Variants in LHX4 observed in about 807,000 individuals in gnomAD.
LHX4 encodes the protein LIM homeobox 4.
In LHX4, 16 loss-of-function variants were observed where a neutral mutation model predicts 39.2. The ratio of observed to expected loss-of-function variants is 0.41; its 90% CI spans 0.28 to 0.62. The LOEUF (loss-of-function observed/expected upper bound fraction) is 0.62. Ranked by LOEUF, LHX4 falls within the 20% of genes least tolerant of loss-of-function variation. LHX4 has a pLI of 0.33. For missense variants in LHX4, 439 were observed against 511.9 expected (o/e 0.86, Z 1.37); for synonymous variants, 206 against 198.1 (o/e 1.04, Z -0.33).
intron 2 of LHX4, among the ~76,000 whole-genome samples, chr1:180,264,778 T>C (rs1453123853): frequency 6.6e-6 from 1 of 152,150 alleles, no homozygotes; most frequent in Non-Finnish European, 1.5e-5. Context: ...ATGGGCCCCA[T>C]CTCTCTGAAA....
At chr1:180,260,723 G>A (rs1466661984) in intron 2 of LHX4, among the ~76,000 whole-genome samples, 1 of 151,822 alleles carries the variant, frequency 6.6e-6, no homozygotes, top group African/African-American at 2.4e-5. Flanking sequence ...GCACTGCAGG[G>A]CTGGGAGCCT....
At chr1:180,260,943 T>A (rs191226037) in intron 2 of LHX4, among the ~76,000 whole-genome samples, 8 of 152,000 alleles carry the variant, frequency 5.3e-5, no homozygotes. Flanking sequence ...GCCCCAGTTC[T>A]TATCTGTTAA....
At chr1:180,241,300 G>A (rs957585520) in intron 1 of LHX4, among the ~76,000 whole-genome samples, 2 of 152,238 alleles carry the variant, frequency 1.3e-5, no homozygotes, top group African/African-American at 4.8e-5. Flanking sequence ...TTAAAAAAGA[G>A]TGTGTGTCTT....
chr1:180,245,972 C>T (rs1442232831), intron 1 of LHX4, among the ~76,000 whole-genome samples: 1 of 151,434 alleles, frequency 6.6e-6, no homozygotes, highest in African/African-American at 2.4e-5. Context: ...ATTGACTGGA[C>T]TGCGTATTCC....
At chr1:180,264,484 C>T (rs367984301) in intron 2 of LHX4, among the ~76,000 whole-genome samples, 57 of 152,112 alleles carry the variant, frequency 3.7e-4, no homozygotes, top group African/African-American at 1.4e-3. Context: ...TGTGGAGGAC[C>T]TGGTTCTCAC....
At position 180,278,808 on chromosome 1, in the gene LHX4, CT is replaced by C. The variant is rs1649199283; in HGVS notation, c.*4230del. 1 of 151,042 alleles carries C rather than the reference CT, an allele frequency of 6.6e-6. No individual in the cohort carries two copies. Among genetic ancestry groups the C allele is most frequent in the Non-Finnish European group, 1.5e-5 (1 of 67,914 alleles). The allele number at this position is 151,042 out of a possible 1,614,324, so 9.4% of individuals were successfully genotyped here. A position where few individuals can be genotyped will look rare whatever the true frequency, so the allele number is the denominator to read the frequency against. ...TTGTACAGTTAAAGAGAAATGAAGTCTCGTTTCCTGGGGAAAAAAAAGAAAA... is the reference window on the plus strand; with the variant it reads ...TTGTACAGTTAAAGAGAAATGAAGTCCGTTTCCTGGGGAAAAAAAAGAAAA... On this transcript the variant is annotated 3_prime_UTR_variant, in exon 6 of 6. Coordinates refer to ENST00000263726, the MANE Select transcript of LHX4 (RefSeq NM_033343.4).
At chr1:180,249,898 AGT>A (rs936965746) in intron 2 of LHX4, among the ~76,000 whole-genome samples, 19 of 146,674 alleles carry the variant, frequency 1.3e-4, no homozygotes, top group Middle Eastern at 3.4e-3. Context: ...TGTGTGTATG[AGT>A]GTGTGTGTGA....
rs774156277 is a variant in LHX4, at chr1:180,274,431, C to T, written c.1025C>T (p.Ala342Val). The T allele has an allele frequency of 3.5e-5, 57 of 1,614,062 alleles. No homozygotes were observed. In the Admixed American group the frequency reaches 4.2e-4, roughly 12 times the overall value. The part of the protein sequence containing the change: ...YTVDSNLGII[A>V]HAGQGVSQTL... ...GTGGACAGTAATTTGGGCATCATTG[C>T]GCATGCAGGGCAGGGAGTAAGCCAG... The change falls in exon 6 of 6, where the codon GCG becomes GTG. Residue 342 changes from alanine to valine, a missense_variant. Coordinates refer to ENST00000263726, the MANE Select transcript of LHX4 (RefSeq NM_033343.4).
chr1:180,233,750 G>A (rs1056086498), intron 1 of LHX4, among the ~76,000 whole-genome samples: 16 of 152,174 alleles, frequency 1.1e-4, no homozygotes, highest in African/African-American at 3.9e-4. Context: ...CAGCCCGCAC[G>A]GGAGAAGGAG....
chr1:180,268,443 G>C lies in LHX4; in HGVS notation c.451+1849G>C, dbSNP rs982823367. ...CTCACAGTTTTATCGAGGAATATTT[G>C]CACCACAGCAGACCTCTGCAGGATG... On this transcript the variant is annotated intron_variant, in intron 3 of 5. Coordinates refer to ENST00000263726, the MANE Select transcript of LHX4 (RefSeq NM_033343.4). Among the ~76,000 whole-genome samples, 3 of 152,182 alleles carry C rather than the reference G, an allele frequency of 2.0e-5. No individual in the cohort carries two copies. In the South Asian group the frequency reaches 6.2e-4, roughly 31 times the overall value.
intron 3 of LHX4, chr1:180,269,995 T>C (rs1648542739): frequency 1.3e-5 from 2 of 152,256 alleles, no homozygotes; most frequent in Non-Finnish European, 2.9e-5. Flanking sequence ...GGCACGGGTG[T>C]GTCCCCCCTC....
intron 2 of LHX4, among the ~76,000 whole-genome samples, chr1:180,254,958 TG>T (rs776108601): frequency 6.6e-6 from 1 of 152,162 alleles, no homozygotes; most frequent in African/African-American, 2.4e-5. Context: ...CTGGGGTTGC[TG>T]GCCAGGCTGT....
At position 180,276,132 on chromosome 1, in the gene LHX4, C is replaced by A. The variant is rs1649012904; in HGVS notation, c.*1553C>A. ...GGCCTCCCATTCTCTTAAATGAGAT[C>A]AGCAGAGTAGGAAAGGGTGAGAAGG... On this transcript the variant is annotated 3_prime_UTR_variant, in exon 6 of 6. Coordinates refer to ENST00000263726, the MANE Select transcript of LHX4 (RefSeq NM_033343.4). 1.3e-5 allele frequency: 2 copies of A among 152,168 alleles called. No homozygotes were observed. The highest frequency in any genetic ancestry group is 4.8e-5 in the African/African-American group (2 of 41,420). The allele number at this position is 152,168 out of a possible 1,614,324, so 9.4% of individuals were successfully genotyped here.
chr1:180,236,560 ATTACC>A (rs1664325907), intron 1 of LHX4, among the ~76,000 whole-genome samples: 3 of 152,146 alleles, frequency 2.0e-5, no homozygotes, highest in Admixed American at 6.6e-5. Flanking sequence ...TGTTCTTTCT[ATTACC>A]TTGTTATGAA....
intron 5 of LHX4, 92 bp downstream of exon 5, chr1:180,272,098 C>A (rs887831132): frequency 8.6e-7 from 1 of 1,168,510 alleles, no homozygotes; most frequent in Non-Finnish European, 1.2e-6. Context: ...TTTCTTGAGG[C>A]CTTGGCAACT....
At chr1:180,253,333 A>C (rs1647703883) in intron 2 of LHX4, among the ~76,000 whole-genome samples, 1 of 152,218 alleles carries the variant, frequency 6.6e-6, no homozygotes, top group South Asian at 2.1e-4. Context: ...GGGTCCTGGA[A>C]GGAGCCAGGC....
intron 4 of LHX4, 127 bp downstream of exon 4, chr1:180,271,661 C>G (rs1648668227): frequency 2.2e-6 from 3 of 1,382,804 alleles, no homozygotes; most frequent in African/African-American, 1.4e-5. Flanking sequence ...TTTGCCAGAA[C>G]TGAAGACAGA....
intron 3 of LHX4, chr1:180,269,541 C>A (rs931331890): frequency 1.3e-5 from 2 of 152,318 alleles, no homozygotes; most frequent in East Asian, 1.9e-4. Context: ...GGCCACCAAC[C>A]AGGATGACGG....
rs1342874368 is a variant in LHX4 at position 180,275,119 on chromosome 1, CCA to C, written c.*541_*542del. ...TAAAGGTCAGTGAACACTTTGATGG[CCA>C]GTTTGATATTAAAAACATGCCCCCT... On this transcript the variant is annotated 3_prime_UTR_variant, in exon 6 of 6. Transcript: ENST00000263726. The C allele has an allele frequency of 6.6e-6, 1 of 152,360 alleles. No individual in the cohort carries two copies. The highest frequency in any genetic ancestry group is 1.9e-4 in the East Asian group (1 of 5,196). The allele number at this position is 152,360 out of a possible 1,614,324, so 9.4% of individuals were successfully genotyped here. A position where few individuals can be genotyped will look rare whatever the true frequency, so the allele number is the denominator to read the frequency against.
Sources: allele counts gnomAD v4.1 joint callset (sites outside exome capture counted in the v4.1 genomes callset), GRCh38; gene constraint gnomAD v4.1.1; transcripts MANE v1.5; gene names NCBI Gene and HGNC (gene_info 2026-07-23, HGNC 2026-07-21).